The following NPEPL1 variants were observed in gnomAD, a reference collection of about 807,000 sequenced individuals.
NPEPL1 encodes the protein probable aminopeptidase NPEPL1.
Under a neutral mutation model 52.4 loss-of-function variants are expected in NPEPL1, and 45 were observed. The observed-to-expected ratio is 0.86, with a 90% confidence interval of 0.68 to 1.10. The LOEUF is 1.10. NPEPL1 is among the 50% of genes least tolerant of loss of function. The pLI, the probability that NPEPL1 is intolerant of heterozygous loss-of-function variation, is 0.00. For synonymous variants in NPEPL1, 360 were observed against 314.7 expected (o/e 1.14, Z -1.52); for missense variants, 696 against 710.9 (o/e 0.98, Z 0.24).
At chr20:58,691,197 G>GA (rs777302402), upstream of NPEPL1, 12 of 700,616 alleles carry the variant, frequency 1.7e-5, no homozygotes, top group South Asian at 1.6e-4. Context: ...TTTGCAAACA[G>GA]AAAAAAGAGT....
intron 1 of NPEPL1, chr20:58,693,310 C>T (rs1038783102): frequency 1.1e-4 from 19 of 166,148 alleles, no homozygotes; most frequent in Non-Finnish European, 2.2e-4. Context: ...CACCTGCGGA[C>T]GGCGGGGGGG....
At chr20:58,698,629 AG>A in intron 3 of NPEPL1, 54 bp from the exon 4 acceptor site, 6 of 1,401,622 alleles carry the variant, frequency 4.3e-6, no homozygotes, top group Non-Finnish European at 6.0e-6. Flanking sequence ...GGGATGGACA[AG>A]GGGAGAACAT....
In NPEPL1 at chr20:58,714,123, G is replaced by A. The variant is rs200555236; in HGVS notation, c.1302+30G>A. ...GTTTGGAGCCTCGAACCTGGAGCCT[G>A]CCACATGGGTGGAGCCGGGCAGGCG... On this transcript the variant is annotated intron_variant, in intron 10 of 11. Coordinates refer to ENST00000356091, the MANE Select transcript of NPEPL1 (RefSeq NM_024663.4). 29 of 1,523,500 alleles carry A rather than the reference G, an allele frequency of 1.9e-5. No homozygotes were observed. In the African/African-American group the frequency reaches 3.0e-4, roughly 15 times the overall value. The allele number at this position is 1,523,500 out of a possible 1,614,324, so 94.4% of individuals were successfully genotyped here.
In NPEPL1 at chr20:58,713,598, C is replaced by T; in HGVS notation, c.1125+55C>T. ...TGTAGTCCCAGGGAACCCCACCCCA[C>T]TCTTGACCTCAAGGTGGGGAAGGCA... On this transcript the variant is annotated intron_variant, in intron 9 of 11. Coordinates refer to ENST00000356091, the MANE Select transcript of NPEPL1 (RefSeq NM_024663.4). The surrounding 1 kb of genome is among the most constrained non-coding windows in gnomAD (Gnocchi z 4.6). The T allele has an allele frequency of 6.6e-7, 1 of 1,510,710 alleles. No homozygotes were observed. The highest frequency in any genetic ancestry group is 8.9e-7 in the Non-Finnish European group (1 of 1,124,856). The allele number at this position is 1,510,710 out of a possible 1,614,324, so 93.6% of individuals were successfully genotyped here.
chr20:58,699,609 C>T (rs1445595263), intron 5 of NPEPL1, among the ~76,000 whole-genome samples: 2 of 152,256 alleles, frequency 1.3e-5, no homozygotes, highest in African/African-American at 2.4e-5. Context: ...TCCTTGAATA[C>T]ACAAGTTCCC....
chr20:58,706,818 G>A (rs774663653), intron 6 of NPEPL1, among the ~76,000 whole-genome samples: 7 of 152,206 alleles, frequency 4.6e-5, no homozygotes, highest in African/African-American at 7.2e-5. Context: ...CTGCAGCTCC[G>A]GGCATCTCCT....
chr20:58,707,052 T>TGGGGGGGGGGGGGGGGG, intron 6 of NPEPL1, 71 bp from the exon 7 acceptor site: 7 of 1,257,750 alleles, frequency 5.6e-6, no homozygotes, highest in Admixed American at 2.3e-5. Flanking sequence ...CGGGTGGGGG[T>TGGGGGGGGGGGGGGGGG]GGGGGGCTTC....
upstream of NPEPL1, chr20:58,692,717 C>A (rs903110479): frequency 3.0e-6 from 2 of 659,518 alleles, no homozygotes; most frequent in African/African-American, 2.0e-5. This position sits in a 1 kb window ranked among gnomAD's most constrained non-coding sequence, Gnocchi z 5.7. Context: ...CTGGCCGGCG[C>A]CCCCTCGCGC....
chr20:58,707,923 A>T (rs2084768356), intron 7 of NPEPL1, among the ~76,000 whole-genome samples: 1 of 152,194 alleles, frequency 6.6e-6, no homozygotes, highest in Non-Finnish European at 1.5e-5. Flanking sequence ...TATAAAAAAA[A>T]ATTTAAAAAC....
intron 6 of NPEPL1, chr20:58,704,479 CAT>C (rs2084699866): frequency 7.2e-6 from 4 of 558,900 alleles, no homozygotes; most frequent in Non-Finnish European, 9.0e-6. Context: ...AAATTTATAA[CAT>C]GTATAATTCA....
intron 5 of NPEPL1, among the ~76,000 whole-genome samples, chr20:58,699,785 A>G (rs1485175697): frequency 6.6e-6 from 1 of 152,212 alleles, no homozygotes; most frequent in African/African-American, 2.4e-5. Flanking sequence ...CCAGAGGGGC[A>G]GATAAGTATG....
chr20:58,707,461 G>A (rs533290373), intron 7 of NPEPL1, among the ~76,000 whole-genome samples: 4 of 152,370 alleles, frequency 2.6e-5, no homozygotes, highest in South Asian at 4.1e-4. Context: ...AGAGCCCCAT[G>A]AGCGGTTGGC....
chr20:58,712,552 A>G lies in NPEPL1; in HGVS notation c.974A>G (p.Asp325Gly), dbSNP rs1373141974. ...NSVGPNATRP[D>G]DIHLLYSGKT... ...GTGGGGCCCAATGCGACAAGGCCAG[A>G]TGACATCCACCTGCTGTACTCAGGG... Residue 325 changes from aspartate (D) to glycine (G), a missense_variant, in exon 8 of 12, where the codon GAT becomes GGT. Asp to Gly is a moderately conservative substitution (Grantham distance 94, BLOSUM62 -1). Coordinates refer to ENST00000356091, the MANE Select transcript of NPEPL1 (RefSeq NM_024663.4). The G allele has an allele frequency of 6.2e-7, 1 of 1,613,250 alleles. No homozygotes were observed. Among genetic ancestry groups the G allele is most frequent in the Non-Finnish European group, 8.5e-7 (1 of 1,179,546 alleles).
rs1373362031 is a variant in NPEPL1 at position 58,703,977 on chromosome 20, G to GT, written c.822+2825dup. On this transcript the variant is annotated intron_variant, in intron 6 of 11. Transcript: ENST00000356091. Reference sequence around the variant, plus strand: ...TCTGGCACCAGTGAAACAATACCTGGTTTTTTATTTTAAACCAGCCCATCT... The same window carrying GT: ...TCTGGCACCAGTGAAACAATACCTGGTTTTTTTATTTTAAACCAGCCCATCT... 3 of 985,350 alleles carry GT rather than the reference G, an allele frequency of 3.0e-6. No individual in the cohort carries two copies. In the African/African-American group the frequency reaches 5.2e-5, roughly 17 times the overall value. The allele number at this position is 985,350 out of a possible 1,614,324, so 61.0% of individuals were successfully genotyped here.
At chr20:58,712,630 CT>C in intron 8 of NPEPL1, 51 bp downstream of exon 8, 1 of 1,331,602 alleles carries the variant, frequency 7.5e-7, no homozygotes. Flanking sequence ...ACTCGCGACC[CT>C]TCCCGGCCTG....
rs2084916823 is a variant in NPEPL1 at position 58,714,498 on chromosome 20, G to A, written c.1303-62G>A. The A allele has an allele frequency of 1.1e-5, 14 of 1,221,780 alleles. No individual in the cohort carries two copies. In the Admixed American group the frequency reaches 3.1e-4, roughly 27 times the overall value. The allele number at this position is 1,221,780 out of a possible 1,614,324, so 75.7% of individuals were successfully genotyped here. A position where few individuals can be genotyped will look rare whatever the true frequency, so the allele number is the denominator to read the frequency against. ...GACAGCAATAGTGACAGGCGATGGG[G>A]CAGGGTGGAGAGGGCCCGGCCGGAG... is the stretch of plus-strand genomic sequence containing the variant. On this transcript the variant is annotated intron_variant, in intron 10 of 11. Transcript: ENST00000356091.
chr20:58,698,876 G>T, intron 4 of NPEPL1, 103 bp downstream of exon 4: 1 of 994,642 alleles, frequency 1.0e-6, no homozygotes, highest in East Asian at 2.5e-5. Flanking sequence ...CCCTGACGTG[G>T]CCAGGGAACC....
intron 7 of NPEPL1, 60 bp downstream of exon 7, chr20:58,707,260 C>T: frequency 7.0e-7 from 1 of 1,423,976 alleles, no homozygotes; most frequent in Non-Finnish European, 9.5e-7. Context: ...TGGGTGCTCC[C>T]CTCTCCCCTG....
In NPEPL1 at chr20:58,708,464, G is replaced by A. The variant is rs773429035; in HGVS notation, c.900+1264G>A. Among the ~76,000 whole-genome samples, 9 of 152,222 alleles carry A rather than the reference G, an allele frequency of 5.9e-5. No homozygotes were observed. The South Asian group carries it at 1.0e-3, about 17-fold the overall frequency. On this transcript the variant is annotated intron_variant, in intron 7 of 11. Transcript: ENST00000356091. Reference sequence around the variant, plus strand: ...TTGGAAACGGCCTCTTAGGGCTCACGGCTGTTTCTCTCGTGCTGAGCACAC... The same window carrying A: ...TTGGAAACGGCCTCTTAGGGCTCACAGCTGTTTCTCTCGTGCTGAGCACAC...
Sources: gnomAD v4.1 joint callset for allele counts (sites outside exome capture counted in the v4.1 genomes callset) on GRCh38, gnomAD v4.1.1 for gene constraint, Gnocchi (gnomAD v3.1) non-coding constraint, MANE v1.5 for transcripts, NCBI Gene and HGNC (gene_info 2026-07-23, HGNC 2026-07-21) for gene names.